The following BMP2K variants were observed in gnomAD, a reference collection of about 807,000 sequenced individuals.
BMP2K encodes BMP2 inducible kinase.
Under a neutral mutation model 116.0 loss-of-function variants are expected in BMP2K, and 74 were observed. The observed-to-expected ratio is 0.64, with a 90% CI of 0.53 to 0.77. BMP2K has a LOEUF of 0.77. BMP2K is among the 30% of genes least tolerant of loss of function. BMP2K has a pLI of 0.00. For synonymous variants in BMP2K, 486 were observed against 502.5 expected (o/e 0.97, Z 0.44); for missense variants, 1,365 against 1,403.6 (o/e 0.97, Z 0.44).
chr4:78,823,138 AAACTT>A (rs1284964964), intron 1 of BMP2K, among the ~76,000 whole-genome samples: 3 of 152,198 alleles, frequency 2.0e-5, no homozygotes, highest in Non-Finnish European at 4.4e-5. Flanking sequence ...TGTGTTCAGA[AAACTT>A]AACATTTGAT....
intron 15 of BMP2K, among the ~76,000 whole-genome samples, chr4:78,889,507 C>T (rs1733309809): frequency 1.3e-5 from 2 of 152,082 alleles, no homozygotes. Context: ...AATACTTTGT[C>T]ATGTATAATT....
intron 1 of BMP2K, among the ~76,000 whole-genome samples, chr4:78,796,049 C>T (rs1728250296): frequency 6.6e-6 from 1 of 151,842 alleles, no homozygotes; most frequent in South Asian, 2.1e-4. Context: ...GGGTATATAC[C>T]CAAAGGACTA....
chr4:78,798,482 A>G (rs1042617303), intron 1 of BMP2K, among the ~76,000 whole-genome samples: 6 of 152,206 alleles, frequency 3.9e-5, no homozygotes, highest in Non-Finnish European at 1.5e-5. Context: ...TAGCATAAAA[A>G]CAAATTATTT....
At chr4:78,848,256 A>G (rs900614761) in intron 6 of BMP2K, among the ~76,000 whole-genome samples, 2 of 151,602 alleles carry the variant, frequency 1.3e-5, no homozygotes, top group African/African-American at 4.8e-5. Flanking sequence ...AATCACATGT[A>G]TAATTTAATT....
intron 9 of BMP2K, among the ~76,000 whole-genome samples, chr4:78,864,079 T>C (rs1560534629): frequency 6.6e-6 from 1 of 152,196 alleles, no homozygotes; most frequent in South Asian, 2.1e-4. Context: ...TATTACTGTA[T>C]TGATAAAACA....
At chr4:78,805,364 T>C (rs1174872163) in intron 1 of BMP2K, among the ~76,000 whole-genome samples, 1 of 152,174 alleles carries the variant, frequency 6.6e-6, no homozygotes, top group Non-Finnish European at 1.5e-5. Flanking sequence ...TAACTTTGCT[T>C]TTTTTCAGGT....
At chr4:78,822,698 A>G (rs1343188241) in intron 1 of BMP2K, among the ~76,000 whole-genome samples, 1 of 152,134 alleles carries the variant, frequency 6.6e-6, no homozygotes, top group Non-Finnish European at 1.5e-5. Flanking sequence ...AATTGGACAT[A>G]TATATGTAGA....
intron 1 of BMP2K, among the ~76,000 whole-genome samples, chr4:78,796,704 G>A (rs1288293417): frequency 6.6e-6 from 1 of 151,956 alleles, no homozygotes; most frequent in Non-Finnish European, 1.5e-5. Flanking sequence ...TGCTTTTTTG[G>A]GGCCTGATAT....
Position 78,851,046 on chromosome 4 carries a change from T to C in BMP2K, c.873T>C (p.His291=). 6.2e-7 allele frequency: 1 copy of C among 1,609,576 alleles called. No homozygotes were observed. The highest frequency in any genetic ancestry group is 1.1e-5 in the South Asian group (1 of 90,670). ...PDNSRYSRNI[H]CLIRFMLEPD... ...ATTCTCGTTACTCCCGTAACATACA[T>C]TGCTTAATAAGTAAGTATTTGGGAA... Residue 291 remains histidine (H), a synonymous_variant, in exon 7 of 16, where the codon CAT becomes CAC. Transcript: ENST00000502613.
At chr4:78,798,337 G>A (rs2109949513) in intron 1 of BMP2K, among the ~76,000 whole-genome samples, 1 of 152,284 alleles carries the variant, frequency 6.6e-6, no homozygotes, top group Middle Eastern at 3.4e-3. Flanking sequence ...GATACCTGCT[G>A]GATGCCTGTG....
chr4:78,785,136 A>G (rs1560498128), intron 1 of BMP2K, among the ~76,000 whole-genome samples: 1 of 151,928 alleles, frequency 6.6e-6, no homozygotes, highest in Non-Finnish European at 1.5e-5. Flanking sequence ...TTCAAGACGG[A>G]GTCTTGCTCT....
chr4:78,799,121 A>T (rs186876805), intron 1 of BMP2K, among the ~76,000 whole-genome samples: 4 of 152,346 alleles, frequency 2.6e-5, no homozygotes, highest in African/African-American at 9.6e-5. Context: ...AAGGAATCTG[A>T]GGCCAGGTTC....
chr4:78,870,150 T>C (rs949203556), intron 10 of BMP2K, among the ~76,000 whole-genome samples: 1 of 152,200 alleles, frequency 6.6e-6, no homozygotes, highest in Non-Finnish European at 1.5e-5. Flanking sequence ...ATGGAGCTTA[T>C]AAATAAATAT....
chr4:78,810,888 C>T (rs1264002176), intron 1 of BMP2K, among the ~76,000 whole-genome samples: 1 of 152,062 alleles, frequency 6.6e-6, no homozygotes, highest in Non-Finnish European at 1.5e-5. Context: ...ACAATTTTTG[C>T]CAGTATCCTC....
At chr4:78,890,770 T>C (rs1389360174) in intron 15 of BMP2K, among the ~76,000 whole-genome samples, 4 of 152,232 alleles carry the variant, frequency 2.6e-5, no homozygotes, top group African/African-American at 7.2e-5. Flanking sequence ...GTCACACTTA[T>C]AATTCTAGTA....
chr4:78,776,448 C>A lies in BMP2K; in HGVS notation c.-96C>A, dbSNP rs1444245022. ...GCGGGCCGCAGCACGCTCGGACGGG[C>A]CAGGGGCGGCGACCCCTCGCGGACG... On this transcript the variant is annotated 5_prime_UTR_variant, in exon 1 of 16. Coordinates refer to ENST00000502613, the MANE Select transcript of BMP2K (RefSeq NM_198892.2). 3.7e-6 allele frequency: 4 copies of A among 1,072,112 alleles called. No individual in the cohort carries two copies. The East Asian group carries it at 2.4e-4, about 64-fold the overall frequency. 66.4% of individuals were successfully genotyped at this position (1,072,112 alleles called of 1,614,324 possible).
chr4:78,834,121 T>C (rs1730341054), intron 3 of BMP2K, among the ~76,000 whole-genome samples: 1 of 152,200 alleles, frequency 6.6e-6, no homozygotes, highest in Admixed American at 6.5e-5. Flanking sequence ...CTGTTTTATG[T>C]AGTCTCTTGG....
rs781067954 is a variant in BMP2K, at chr4:78,911,877, G to T, written c.3330G>T (p.Gly1110=). ...GGCCAAGACAAAATTCACTACATGG[G>T]TCATTCCATAGTGCAGATGTATTGA... The part of the protein sequence containing the change: ...PGRPRQNSLH[G]SFHSADVLKM... Residue 1110 remains glycine (G), a synonymous_variant, in exon 16 of 16, where the codon GGG becomes GGT. Transcript: ENST00000502613. 2 of 1,613,832 alleles carry T rather than the reference G, an allele frequency of 1.2e-6. No homozygotes were observed. Among genetic ancestry groups the T allele is most frequent in the East Asian group, 2.2e-5 (1 of 44,876 alleles).
At chr4:78,906,023 T>C (rs778317860) in intron 15 of BMP2K, 4 of 152,112 alleles carry the variant, frequency 2.6e-5, no homozygotes, top group Non-Finnish European at 5.9e-5. Flanking sequence ...TTTATTTTTG[T>C]GTAATTCACC....
Sources: gnomAD v4.1 joint callset for allele counts (sites outside exome capture counted in the v4.1 genomes callset) on GRCh38, gnomAD v4.1.1 for gene constraint, MANE v1.5 for transcripts, NCBI Gene and HGNC (gene_info 2026-07-23, HGNC 2026-07-21) for gene names.